Variants in EDA observed in about 807,000 individuals in gnomAD.
The protein encoded by EDA is ectodysplasin-A.
Under a neutral mutation model 23.6 loss-of-function variants are expected in EDA, and 2 were observed. The ratio of observed to expected loss-of-function variants is 0.08; its 90% CI spans 0.03 to 0.27. The LOEUF (loss-of-function observed/expected upper bound fraction) is 0.27. Ranked by LOEUF, EDA falls within the 10% of genes least tolerant of loss-of-function variation. The pLI is 1.00. For missense variants in EDA, 229 were observed against 324.2 expected (o/e 0.71, Z 2.26); for synonymous variants, 131 against 132.0 (o/e 0.99, Z 0.05).
intron 1 of EDA, among the ~76,000 whole-genome samples, chrX:69,935,000 A>G (rs2018651668): frequency 9.0e-6 from 1 of 111,145 alleles, no homozygotes; most frequent in South Asian, 3.8e-4. Flanking sequence ...CATCCCCACG[A>G]GTTCAGTTGT....
chrX:69,905,405 T>G (rs1159191190), intron 1 of EDA, among the ~76,000 whole-genome samples: 1 of 102,571 alleles, frequency 9.7e-6, no homozygotes, highest in African/African-American at 3.5e-5. Flanking sequence ...CAATTACTAG[T>G]TCAGCTGTCT....
chrX:69,723,193 C>T (rs1421913603), intron 1 of EDA, among the ~76,000 whole-genome samples: 1 of 111,973 alleles, frequency 8.9e-6, no homozygotes, highest in Non-Finnish European at 1.9e-5. Flanking sequence ...GGTCCTCTTA[C>T]TGAGTAGTAA....
chrX:70,039,217 T>C lies in EDA; in HGVS notation c.*3608T>C, dbSNP rs1338014398. On this transcript the variant is annotated 3_prime_UTR_variant, in exon 8 of 8. Transcript: ENST00000374552. ...ACAAAGAAGAAAGCTGATTTTTGTC[T>C]TTTAATCCATTTCAGGACTCTCTCC... 5 of 111,690 alleles carry C rather than the reference T, an allele frequency of 4.5e-5. No homozygotes were observed. The highest frequency in any genetic ancestry group is 7.5e-5 in the Non-Finnish European group (4 of 53,076). 9.2% of individuals were successfully genotyped at this position (111,690 alleles called of 1,213,427 possible). A position where few individuals can be genotyped will look rare whatever the true frequency, so the allele number is the denominator to read the frequency against.
intron 1 of EDA, among the ~76,000 whole-genome samples, chrX:69,834,403 A>G (rs1192321354): frequency 2.7e-5 from 3 of 111,231 alleles, no homozygotes; most frequent in Non-Finnish European, 5.7e-5. Context: ...TTGGGTGCAT[A>G]TATATTTAGG....
intron 1 of EDA, among the ~76,000 whole-genome samples, chrX:69,827,065 A>G (rs1446458535): frequency 1.8e-5 from 2 of 111,711 alleles, no homozygotes; most frequent in African/African-American, 3.3e-5. Context: ...CTGCCGAGAG[A>G]TCCGTTGTTA....
intron 1 of EDA, among the ~76,000 whole-genome samples, chrX:69,906,733 G>A (rs139403776): frequency 1.8e-5 from 2 of 111,351 alleles, no homozygotes; most frequent in Non-Finnish European, 3.8e-5. Flanking sequence ...ATTGGCACGC[G>A]TGCACGCACA....
chrX:69,870,411 C>T (rs542450510), intron 1 of EDA, among the ~76,000 whole-genome samples: 2 of 110,952 alleles, frequency 1.8e-5, no homozygotes, highest in South Asian at 3.9e-4. Flanking sequence ...AGGGGCCCGC[C>T]GGGAGTTTAG....
chrX:69,899,834 A>C (rs1483380536), intron 1 of EDA, among the ~76,000 whole-genome samples: 1 of 111,282 alleles, frequency 9.0e-6, no homozygotes, highest in African/African-American at 3.3e-5. Context: ...GTTGAGTCCG[A>C]ATTGTTTTTC....
intron 1 of EDA, among the ~76,000 whole-genome samples, chrX:69,629,546 C>T (rs775847130): frequency 7.1e-4 from 79 of 111,734 alleles, no homozygotes; most frequent in African/African-American, 2.5e-3. Context: ...CCCCTAATAT[C>T]GGACTCTAAA....
intron 1 of EDA, among the ~76,000 whole-genome samples, chrX:69,754,661 C>T (rs1428296863): frequency 5.4e-5 from 6 of 111,835 alleles, no homozygotes; most frequent in Non-Finnish European, 1.1e-4. Context: ...GAGTGTTTTC[C>T]AAGTTGGTTC....
intron 1 of EDA, among the ~76,000 whole-genome samples, chrX:69,677,038 C>T (rs1283267976): frequency 9.8e-5 from 9 of 91,749 alleles, no homozygotes; most frequent in African/African-American, 3.6e-4. Context: ...TCCATGTGTT[C>T]TCATTGTTCA....
intron 3 of EDA, among the ~76,000 whole-genome samples, chrX:70,026,267 C>A (rs765287535): frequency 8.9e-6 from 1 of 112,012 alleles, no homozygotes; most frequent in Admixed American, 9.4e-5. Context: ...AGTGGAGCTG[C>A]ACAGAGCAGA....
chrX:69,900,729 T>C (rs1458188512), intron 1 of EDA, among the ~76,000 whole-genome samples: 1 of 111,097 alleles, frequency 9.0e-6, no homozygotes, highest in African/African-American at 3.3e-5. Flanking sequence ...TAGGAATGTG[T>C]TTGTCATATA....
chrX:69,650,010 A>G (rs1414109419), intron 1 of EDA, among the ~76,000 whole-genome samples: 1 of 112,158 alleles, frequency 8.9e-6, no homozygotes, highest in African/African-American at 3.2e-5. Context: ...GATTTATTAT[A>G]CTATTTGTGT....
intron 1 of EDA, among the ~76,000 whole-genome samples, chrX:69,814,679 C>T (rs949005132): frequency 8.9e-6 from 1 of 111,934 alleles, no homozygotes; most frequent in Non-Finnish European, 1.9e-5. Flanking sequence ...ACTAGGTAAA[C>T]AACTTGACCA....
chrX:69,747,741 G>T (rs1488915649), intron 1 of EDA, among the ~76,000 whole-genome samples: 1 of 111,894 alleles, frequency 8.9e-6, no homozygotes, highest in Non-Finnish European at 1.9e-5. Flanking sequence ...TGGGTTAGAT[G>T]GGGGGATAGA....
intron 1 of EDA, among the ~76,000 whole-genome samples, chrX:69,896,041 G>T (rs1444070233): frequency 1.8e-5 from 2 of 111,571 alleles, no homozygotes; most frequent in Non-Finnish European, 3.8e-5. Flanking sequence ...TTCCAGTCAG[G>T]TATCAGCAGG....
chrX:69,616,194 G>A lies in EDA; in HGVS notation c.-115G>A, dbSNP rs1016004145. ...GCCCAGCCACTGTCGCGCAGGAACG[G>A]GTCCCTGCAGCCCCCAGCCGATGGC... On this transcript the variant is annotated 5_prime_UTR_variant, in exon 1 of 8. Coordinates refer to ENST00000374552, the MANE Select transcript of EDA (RefSeq NM_001399.5). The A allele has an allele frequency of 1.9e-4, 170 of 909,148 alleles. No homozygotes were observed. Among genetic ancestry groups the A allele is most frequent in the Non-Finnish European group, 2.9e-5 (19 of 663,399 alleles). The allele number at this position is 909,148 out of a possible 1,213,427, so 74.9% of individuals were successfully genotyped here. A position where few individuals can be genotyped will look rare whatever the true frequency, so the allele number is the denominator to read the frequency against.
At chrX:69,682,919 A>AC (rs1934423463) in intron 1 of EDA, among the ~76,000 whole-genome samples, 1 of 111,305 alleles carries the variant, frequency 9.0e-6, no homozygotes, top group Non-Finnish European at 1.9e-5. Flanking sequence ...TCAACATGCA[A>AC]TACGTTATAG....
Sources: allele counts gnomAD v4.1 joint callset (sites outside exome capture counted in the v4.1 genomes callset), GRCh38; gene constraint gnomAD v4.1.1; transcripts MANE v1.5; gene names NCBI Gene and HGNC (gene_info 2026-07-23, HGNC 2026-07-21).